Variants in IL16 observed in about 807,000 individuals in gnomAD.
IL16 encodes interleukin 16.
A neutral mutation model predicts 110.1 loss-of-function variants in IL16; 67 were observed. That is an observed-to-expected ratio of 0.61 (90% CI 0.50 to 0.75). The LOEUF (loss-of-function observed/expected upper bound fraction) is 0.75. IL16 is among the 30% of genes least tolerant of loss of function. IL16 has a pLI of 0.00. For synonymous variants in IL16, 689 were observed against 662.9 expected, an observed-to-expected ratio of 1.04 and a Z score of -0.61; for missense variants, 1,545 against 1,655.0, an observed-to-expected ratio of 0.93 and a Z score of 1.15.
At chr15:81,295,419 T>C (rs1436604591) in intron 12 of IL16, 1 of 1,287,796 alleles carries the variant, frequency 7.8e-7, no homozygotes, top group South Asian at 1.2e-5. Flanking sequence ...TTCTAAGTTG[T>C]AAAGCTGCAT....
chr15:81,220,838 A>C (rs1038109182), intron 1 of IL16, among the ~76,000 whole-genome samples: 3 of 151,766 alleles, frequency 2.0e-5, no homozygotes, highest in Admixed American at 2.0e-4. Context: ...AAGGAGGAGG[A>C]AGGGAGGGAC....
chr15:81,268,438 G>A (rs531210790), intron 4 of IL16, among the ~76,000 whole-genome samples: 16 of 152,352 alleles, frequency 1.1e-4, no homozygotes, highest in South Asian at 6.2e-4. Flanking sequence ...GTGGCCTTCC[G>A]AAGGTCATCT....
chr15:81,258,814 G>GCA, intron 2 of IL16, among the ~76,000 whole-genome samples: 1 of 151,378 alleles, frequency 6.6e-6, no homozygotes, highest in African/African-American at 2.4e-5. Flanking sequence ...CACAACATGT[G>GCA]CACACACACA....
At chr15:81,229,702 A>G (rs1036722491) in intron 2 of IL16, among the ~76,000 whole-genome samples, 1 of 152,158 alleles carries the variant, frequency 6.6e-6, no homozygotes, top group African/African-American at 2.4e-5. Context: ...CAGAGTACTC[A>G]ATAGCCCACA....
At chr15:81,212,167 C>T (rs571744643) in intron 1 of IL16, among the ~76,000 whole-genome samples, 1 of 151,432 alleles carries the variant, frequency 6.6e-6, no homozygotes, top group Non-Finnish European at 1.5e-5. Flanking sequence ...ATTACTGATT[C>T]AATTTCAGTG....
intron 1 of IL16, among the ~76,000 whole-genome samples, chr15:81,201,197 A>G (rs1034275386): frequency 6.6e-6 from 1 of 151,924 alleles, no homozygotes; most frequent in African/African-American, 2.4e-5. Flanking sequence ...AGAGAAATAT[A>G]TCTAAAAATA....
intron 10 of IL16, among the ~76,000 whole-genome samples, chr15:81,288,829 A>ATGTGTATGTG (rs61227218): frequency 6.5e-4 from 92 of 140,970 alleles, no homozygotes; most frequent in East Asian, 3.1e-3. Context: ...TAGTATGTGT[A>ATGTGTATGTG]TGTGTGTGTG....
At chr15:81,203,921 C>T (rs1369377170) in intron 1 of IL16, among the ~76,000 whole-genome samples, 1 of 152,034 alleles carries the variant, frequency 6.6e-6, no homozygotes, top group Non-Finnish European at 1.5e-5. Flanking sequence ...GCAGTATGGC[C>T]ATTTTCACGA....
intron 2 of IL16, among the ~76,000 whole-genome samples, chr15:81,256,339 T>G (rs916437530): frequency 1.3e-5 from 2 of 150,308 alleles, no homozygotes; most frequent in Non-Finnish European, 3.0e-5. Context: ...AAACTTTTTT[T>G]TTTTTTTTTT....
intron 2 of IL16, among the ~76,000 whole-genome samples, chr15:81,236,763 C>T (rs1897189445): frequency 7.0e-6 from 1 of 142,904 alleles, no homozygotes; most frequent in African/African-American, 2.8e-5. Flanking sequence ...CGAGACCAGC[C>T]TGGCCAACAT....
At chr15:81,207,151 T>A (rs1446899992) in intron 1 of IL16, among the ~76,000 whole-genome samples, 1 of 146,988 alleles carries the variant, frequency 6.8e-6, no homozygotes, top group Non-Finnish European at 1.5e-5. Flanking sequence ...GGTAGGAGAA[T>A]GGCGTGAACC....
intron 2 of IL16, among the ~76,000 whole-genome samples, chr15:81,255,198 A>G (rs953394077): frequency 1.3e-5 from 2 of 152,236 alleles, no homozygotes; most frequent in African/African-American, 4.8e-5. Flanking sequence ...CCTCTGTTTC[A>G]GGAACCTTTA....
intron 2 of IL16, among the ~76,000 whole-genome samples, chr15:81,244,193 A>G (rs1897452730): frequency 1.3e-5 from 2 of 152,188 alleles, no homozygotes; most frequent in Admixed American, 6.5e-5. Flanking sequence ...TCACAGTGTT[A>G]ACATTTTTTG....
chr15:81,308,223 G>A (rs1900673276), intron 18 of IL16, among the ~76,000 whole-genome samples: 1 of 152,198 alleles, frequency 6.6e-6, no homozygotes, highest in Non-Finnish European at 1.5e-5. Flanking sequence ...ACCACATGCG[G>A]AGAACAAATG....
chr15:81,226,720 G>A (rs1249091891), intron 2 of IL16, among the ~76,000 whole-genome samples: 3 of 152,126 alleles, frequency 2.0e-5, no homozygotes, highest in Admixed American at 6.5e-5. Flanking sequence ...AACCCATGAT[G>A]TGACTTCTAT....
chr15:81,234,291 C>G (rs1055152678), intron 2 of IL16, among the ~76,000 whole-genome samples: 5 of 152,026 alleles, frequency 3.3e-5, no homozygotes, highest in Non-Finnish European at 5.9e-5. Flanking sequence ...TGTGTACTCT[C>G]TTATTATTTA....
chr15:81,208,073 A>C (rs1415993797), intron 1 of IL16, among the ~76,000 whole-genome samples: 1 of 152,100 alleles, frequency 6.6e-6, no homozygotes, highest in Non-Finnish European at 1.5e-5. Context: ...TGTCATTCTG[A>C]CTGGTGTGAG....
At chr15:81,209,363 G>A (rs1896150797) in intron 1 of IL16, among the ~76,000 whole-genome samples, 1 of 152,204 alleles carries the variant, frequency 6.6e-6, no homozygotes, top group African/African-American at 2.4e-5. Flanking sequence ...GGTGGGAATG[G>A]GCAGAGGGAT....
rs1900897846 is a variant in IL16 at position 81,312,251 on chromosome 15, G to A, written c.*3453G>A. The A allele has an allele frequency of 6.6e-6, 1 of 152,292 alleles. No homozygotes were observed. The highest frequency in any genetic ancestry group is 1.5e-5 in the Non-Finnish European group (1 of 68,112). 9.4% of individuals were successfully genotyped at this position (152,292 alleles called of 1,614,324 possible). ...TGGCAAGGCTGTGCTCCCTGGTTCTGATGATGTGCCTGGGTGGACATGGCC... is the reference window on the plus strand; with the variant it reads ...TGGCAAGGCTGTGCTCCCTGGTTCTAATGATGTGCCTGGGTGGACATGGCC... On this transcript the variant is annotated 3_prime_UTR_variant, in exon 19 of 19. Coordinates refer to ENST00000683961, the MANE Select transcript of IL16 (RefSeq NM_172217.5).
Sources: gnomAD v4.1 joint callset for allele counts (sites outside exome capture counted in the v4.1 genomes callset) on GRCh38, gnomAD v4.1.1 for gene constraint, MANE v1.5 for transcripts, NCBI Gene and HGNC (gene_info 2026-07-23, HGNC 2026-07-21) for gene names.